EPC2: variants seen among roughly 807,000 people sequenced by gnomAD.
EPC2 encodes the protein enhancer of polycomb homolog 2.
EPC2 carries 14 observed loss-of-function variants against 92.1 expected under a neutral mutation model. The observed-to-expected ratio is 0.15, with a 90% CI of 0.10 to 0.24. The LOEUF is 0.24. Among genes scored for constraint, EPC2 ranks in the 10% least tolerant of loss-of-function variants. The pLI is 1.00. For synonymous variants in EPC2, 340 were observed against 334.7 expected (o/e 1.02, Z -0.17); for missense variants, 755 against 971.5 (o/e 0.78, Z 2.96).
chr2:148,780,064 A>T (rs1420535414), intron 10 of EPC2, among the ~76,000 whole-genome samples: 3 of 152,320 alleles, frequency 2.0e-5, no homozygotes, highest in East Asian at 3.9e-4. Context: ...TTTAAAAAAA[A>T]TTTTTCATTT....
intron 10 of EPC2, among the ~76,000 whole-genome samples, chr2:148,780,672 G>A (rs904658299): frequency 6.6e-6 from 1 of 152,052 alleles, no homozygotes; most frequent in Non-Finnish European, 1.5e-5. Flanking sequence ...GCAGCATTCT[G>A]CATTATAGTA....
chr2:148,698,409 G>T (rs528269766), intron 2 of EPC2, among the ~76,000 whole-genome samples: 1 of 151,916 alleles, frequency 6.6e-6, no homozygotes, highest in Non-Finnish European at 1.5e-5. Flanking sequence ...AGGCTGAGGC[G>T]GGTGGATCAC....
rs148665762 is a variant in EPC2, at chr2:148,679,741, G to A, written c.154-10473G>A. Among the ~76,000 whole-genome samples the A allele has an allele frequency of 4.6e-3, 695 of 152,174 alleles. 1 individual carries two copies. Among genetic ancestry groups the A allele is most frequent in the African/African-American group, 0.016 (647 of 41,500 alleles). The stretch of plus-strand genomic sequence containing the variant: ...GCTCACTGCAGCCTCCCATTCCTGC[G>A]CTCAAGTGATCCTCCTGACTCAGCC... On this transcript the variant is annotated intron_variant, in intron 1 of 13. Transcript: ENST00000258484.
chr2:148,780,583 T>G (rs1427349004), intron 10 of EPC2, among the ~76,000 whole-genome samples: 3 of 152,170 alleles, frequency 2.0e-5, no homozygotes, highest in Non-Finnish European at 4.4e-5. Flanking sequence ...ATGTCTGTCT[T>G]TTCTTCCCAA....
At chr2:148,754,205 C>T in intron 4 of EPC2, 72 bp downstream of exon 4, 1 of 1,196,976 alleles carries the variant, frequency 8.4e-7, no homozygotes, top group Non-Finnish European at 1.2e-6. Context: ...TTTCTAATAA[C>T]TTGAATAATT....
At chr2:148,705,605 G>C (rs1360242504) in intron 2 of EPC2, among the ~76,000 whole-genome samples, 1 of 151,916 alleles carries the variant, frequency 6.6e-6, no homozygotes, top group Non-Finnish European at 1.5e-5. Context: ...ATACAACTGG[G>C]TGCCCCTGAG....
Position 148,656,405 on chromosome 2 carries a change from A to T in EPC2, c.153+11235A>T, listed in dbSNP as rs1680800014. Among the ~76,000 whole-genome samples the T allele has an allele frequency of 4.8e-5, 5 of 104,806 alleles. No individual in the cohort carries two copies. The Admixed American group carries it at 6.7e-4, about 14-fold the overall frequency. 68.8% of individuals were successfully genotyped at this position (104,806 alleles called of 152,430 possible). Reference sequence around the variant, plus strand: ...CAAAAAAGTCAGATTAATTATTAAAAATGTGACTTGTCAGTGTTTTTACTG... The same window carrying T: ...CAAAAAAGTCAGATTAATTATTAAATATGTGACTTGTCAGTGTTTTTACTG... On this transcript the variant is annotated intron_variant, in intron 1 of 13. Transcript: ENST00000258484.
intron 1 of EPC2, among the ~76,000 whole-genome samples, chr2:148,652,634 A>C (rs1680709646): frequency 6.6e-6 from 1 of 152,196 alleles, no homozygotes; most frequent in Non-Finnish European, 1.5e-5. Flanking sequence ...ATGTCTATCT[A>C]CTGGCATATT....
chr2:148,679,221 G>A (rs1681340219), intron 1 of EPC2, among the ~76,000 whole-genome samples: 1 of 152,156 alleles, frequency 6.6e-6, no homozygotes, highest in Non-Finnish European at 1.5e-5. Flanking sequence ...TAGATCATCA[G>A]CATTACTAGG....
Position 148,786,766 on chromosome 2 carries a change from T to C in EPC2, c.*389T>C, listed in dbSNP as rs1294818829. 6.5e-6 allele frequency: 1 copy of C among 154,014 alleles called. No homozygotes were observed. Among genetic ancestry groups the C allele is most frequent in the Non-Finnish European group, 1.4e-5 (1 of 69,032 alleles). 9.5% of individuals were successfully genotyped at this position (154,014 alleles called of 1,614,324 possible). On this transcript the variant is annotated 3_prime_UTR_variant, in exon 14 of 14. Transcript: ENST00000258484. ...ACATTTTGTATCTTGTAAAAATAAA[T>C]CCAACTTTGTGTCTAAAAAGTTAAA...
chr2:148,748,299 A>C (rs1004079285), intron 3 of EPC2, among the ~76,000 whole-genome samples: 1 of 152,130 alleles, frequency 6.6e-6, no homozygotes, highest in Non-Finnish European at 1.5e-5. Context: ...AGCCCGCAGC[A>C]CCATGAGCCA....
In EPC2 at chr2:148,761,945, G is replaced by A. The variant is rs1368929455; in HGVS notation, c.815+15G>A. The stretch of plus-strand genomic sequence containing the variant: ...GTGGAGAAAAGGTAACATTGCTCCT[G>A]TTACAACAGTAAAATGACAACTTTA... On this transcript the variant is annotated intron_variant, in intron 5 of 13. Transcript: ENST00000258484. 1 of 1,550,846 alleles carries A rather than the reference G, an allele frequency of 6.4e-7. No homozygotes were observed. Among genetic ancestry groups the A allele is most frequent in the Non-Finnish European group, 8.6e-7 (1 of 1,158,772 alleles).
chr2:148,660,300 T>G (rs1456430265), intron 1 of EPC2, among the ~76,000 whole-genome samples: 1 of 152,176 alleles, frequency 6.6e-6, no homozygotes, highest in African/African-American at 2.4e-5. Flanking sequence ...CTTCAGTTAT[T>G]GGATTAGCTT....
intron 2 of EPC2, among the ~76,000 whole-genome samples, chr2:148,703,879 A>G (rs985610625): frequency 2.6e-5 from 4 of 152,184 alleles, no homozygotes; most frequent in Non-Finnish European, 5.9e-5. Context: ...ACCCTTTAGA[A>G]TGGCTACTAT....
intron 7 of EPC2, among the ~76,000 whole-genome samples, chr2:148,768,673 C>A (rs775677354): frequency 1.3e-5 from 2 of 151,958 alleles, no homozygotes; most frequent in Admixed American, 6.6e-5. Context: ...GCCTTTATGG[C>A]CTTTGGGGTT....
At chr2:148,646,594 G>A (rs1053692276) in intron 1 of EPC2, among the ~76,000 whole-genome samples, 7 of 69,932 alleles carry the variant, frequency 1.0e-4, no homozygotes, top group Admixed American at 4.1e-4. Flanking sequence ...TTTTTTGTAT[G>A]TGAGAACTTT....
intron 2 of EPC2, among the ~76,000 whole-genome samples, chr2:148,705,934 G>A (rs918057899): frequency 3.3e-5 from 5 of 152,278 alleles, no homozygotes; most frequent in South Asian, 4.2e-4. Flanking sequence ...AAACCAGAGC[G>A]CCCCTTCTCC....
chr2:148,721,712 CTTTT>C (rs34017461), intron 2 of EPC2, among the ~76,000 whole-genome samples: 6 of 111,508 alleles, frequency 5.4e-5, no homozygotes, highest in East Asian at 2.6e-4. Context: ...CTGTTTTATT[CTTTT>C]TTTTTTTTTT....
At chr2:148,786,113 G>A (rs1338469903) in intron 13 of EPC2, among the ~76,000 whole-genome samples, 192 bp from the exon 14 acceptor site, 1 of 152,032 alleles carries the variant, frequency 6.6e-6, no homozygotes, top group Non-Finnish European at 1.5e-5. Context: ...AAAAAAATTA[G>A]GAATTAATGG....
Sources: allele counts gnomAD v4.1 joint callset (sites outside exome capture counted in the v4.1 genomes callset), GRCh38; gene constraint gnomAD v4.1.1; transcripts MANE v1.5; gene names NCBI Gene and HGNC (gene_info 2026-07-23, HGNC 2026-07-21).